Variants in NDUFA10 observed in about 807,000 individuals in gnomAD.
NDUFA10 encodes the protein NADH dehydrogenase [ubiquinone] 1 alpha subcomplex subunit 10, mitochondrial.
In NDUFA10, 40 loss-of-function variants were observed where a neutral mutation model predicts 47.8. The observed-to-expected ratio is 0.84, with a 90% CI of 0.65 to 1.09. The LOEUF is 1.09. Among genes scored for constraint, NDUFA10 ranks in the 50% least tolerant of loss-of-function variants. The pLI, the probability that NDUFA10 is intolerant of heterozygous loss-of-function variation, is 0.00. For synonymous variants in NDUFA10, 183 were observed against 172.2 expected (o/e 1.06, Z -0.49); for missense variants, 413 against 451.1 (o/e 0.92, Z 0.76).
chr2:239,929,147 C>G (rs1280249184), intron 4 of NDUFA10, among the ~76,000 whole-genome samples: 1 of 152,240 alleles, frequency 6.6e-6, no homozygotes, highest in Admixed American at 6.5e-5. Flanking sequence ...GTCTCCAAAG[C>G]CGGGATGCAG....
At chr2:239,905,577 G>A (rs537843657) in intron 4 of NDUFA10, among the ~76,000 whole-genome samples, 1 of 152,180 alleles carries the variant, frequency 6.6e-6, no homozygotes, top group Non-Finnish European at 1.5e-5. Flanking sequence ...GGATGCTGCC[G>A]CGTCGGGGGG....
At chr2:240,017,808 T>C (rs1697425269) in intron 4 of NDUFA10, 1 of 1,553,926 alleles carries the variant, frequency 6.4e-7, no homozygotes, top group Non-Finnish European at 8.7e-7. Flanking sequence ...CTCCACAGAA[T>C]GGTCACCTGG....
At chr2:239,895,215 G>T (rs1693369534) in exon 5 of NDUFA10, 1 of 462,070 alleles carries the variant, frequency 2.2e-6, no homozygotes, top group Non-Finnish European at 4.5e-6. Flanking sequence ...CTATTCCCAG[G>T]CACTTAGGAG....
At chr2:239,920,013 G>C (rs1391981673) in intron 4 of NDUFA10, among the ~76,000 whole-genome samples, 3 of 152,064 alleles carry the variant, frequency 2.0e-5, no homozygotes, top group Non-Finnish European at 4.4e-5. Context: ...TGTGAGATTG[G>C]GGGCCCCCTC....
chr2:239,964,184 T>C (rs1182120943), intron 9 of NDUFA10, among the ~76,000 whole-genome samples: 2 of 152,018 alleles, frequency 1.3e-5, no homozygotes, highest in African/African-American at 4.8e-5. Context: ...TGAGCTCACC[T>C]GGCAAAAGGG....
At chr2:240,004,266 G>A (rs1422316696) in intron 8 of NDUFA10, among the ~76,000 whole-genome samples, 3 of 152,184 alleles carry the variant, frequency 2.0e-5, no homozygotes, top group African/African-American at 4.8e-5. Context: ...TGGCGAGGCC[G>A]TCTCCTTGGC....
At chr2:239,920,440 A>G (rs1156927609) in intron 4 of NDUFA10, among the ~76,000 whole-genome samples, 1 of 152,204 alleles carries the variant, frequency 6.6e-6, no homozygotes, top group Non-Finnish European at 1.5e-5. Context: ...GGCCCCAGGG[A>G]CAGGAGCATC....
At chr2:239,934,370 C>A (rs1694226312) in intron 4 of NDUFA10, among the ~76,000 whole-genome samples, 1 of 151,108 alleles carries the variant, frequency 6.6e-6, no homozygotes, top group Non-Finnish European at 1.5e-5. Context: ...GCCTCCCCAC[C>A]CCCACCCCCA....
intron 4 of NDUFA10, among the ~76,000 whole-genome samples, chr2:239,896,566 G>A (rs567752109): frequency 7.9e-5 from 12 of 152,310 alleles, no homozygotes; most frequent in Non-Finnish European, 1.6e-4. Flanking sequence ...GGCTGAAACA[G>A]GTTCCATCAT....
intron 4 of NDUFA10, among the ~76,000 whole-genome samples, chr2:239,937,127 G>A (rs572366592): frequency 4.6e-5 from 7 of 152,242 alleles, no homozygotes; most frequent in South Asian, 2.1e-4. Context: ...GACGCTCACC[G>A]CACAGCTGTG....
At chr2:239,931,127 A>T (rs1490544466) in intron 4 of NDUFA10, among the ~76,000 whole-genome samples, 1 of 152,182 alleles carries the variant, frequency 6.6e-6, no homozygotes, top group Non-Finnish European at 1.5e-5. Flanking sequence ...TTTCCCTGTG[A>T]GCATCTGAAC....
chr2:239,894,066 T>A (rs1343969954), intron 5 of NDUFA10, among the ~76,000 whole-genome samples: 1 of 143,052 alleles, frequency 7.0e-6, no homozygotes, highest in Non-Finnish European at 1.5e-5. Context: ...ATCTCATTCC[T>A]CCCTGCCTTC....
intron 2 of NDUFA10, among the ~76,000 whole-genome samples, chr2:240,021,837 C>A (rs1697635213): frequency 6.6e-6 from 1 of 152,142 alleles, no homozygotes; most frequent in South Asian, 2.1e-4. Flanking sequence ...TGAGTGAGTA[C>A]CATCCTCGGC....
At chr2:239,949,647 CCA>C (rs2106383230) in intron 4 of NDUFA10, among the ~76,000 whole-genome samples, 1 of 152,276 alleles carries the variant, frequency 6.6e-6, no homozygotes, top group East Asian at 1.9e-4. Flanking sequence ...GCGCGTGCCA[CCA>C]CACTTTTACT....
At chr2:240,015,853 A>G (rs1249573100) in intron 4 of NDUFA10, among the ~76,000 whole-genome samples, 1 of 152,102 alleles carries the variant, frequency 6.6e-6, no homozygotes, top group Non-Finnish European at 1.5e-5. Context: ...AAAGACAACT[A>G]TTTTGCTTTA....
rs574160785 is a variant in NDUFA10, at chr2:239,992,830, C to T, written c.891-2648G>A. 8.3e-4 allele frequency among the ~76,000 whole-genome samples: 127 copies of T among 152,272 alleles called. 1 individual carries two copies. The highest frequency in any genetic ancestry group is 1.4e-3 in the Non-Finnish European group (92 of 68,020). ...TACACATAATTAGACACTGGCAACA[C>T]GTAACTGAGATGGTGCAGAAATGTT... On this transcript the variant is annotated intron_variant, in intron 8 of 9. Transcript: ENST00000252711.
chr2:239,952,020 G>A (rs1426695590), intron 4 of NDUFA10, among the ~76,000 whole-genome samples: 5 of 152,222 alleles, frequency 3.3e-5, no homozygotes, highest in Admixed American at 6.5e-5. Flanking sequence ...GGTGTGGGCC[G>A]GCAGGGGCCA....
intron 4 of NDUFA10, among the ~76,000 whole-genome samples, chr2:239,925,588 G>A (rs1453823853): frequency 1.3e-5 from 2 of 152,204 alleles, no homozygotes; most frequent in East Asian, 3.8e-4. Flanking sequence ...GAAAACAACA[G>A]AGAAGGTCAT....
intron 4 of NDUFA10, among the ~76,000 whole-genome samples, chr2:239,898,016 C>G (rs1693430792): frequency 6.6e-6 from 1 of 152,204 alleles, no homozygotes; most frequent in African/African-American, 2.4e-5. Flanking sequence ...GCTTTGGTGT[C>G]TGGCTAAGCT....
Sources: allele counts gnomAD v4.1 joint callset (sites outside exome capture counted in the v4.1 genomes callset), GRCh38; gene constraint gnomAD v4.1.1; transcripts MANE v1.5; gene names NCBI Gene and HGNC (gene_info 2026-07-23, HGNC 2026-07-21).